SV2B: variants seen among roughly 807,000 people sequenced by gnomAD.
The protein encoded by SV2B is synaptic vesicle glycoprotein 2B.
SV2B carries 41 observed loss-of-function variants against 73.9 expected under a neutral mutation model. That is an observed-to-expected ratio of 0.56 (90% CI 0.43 to 0.72). The LOEUF (loss-of-function observed/expected upper bound fraction) is 0.72. Ranked by LOEUF, SV2B falls within the 30% of genes least tolerant of loss-of-function variation. The pLI is 0.00. For missense variants in SV2B, 764 were observed against 857.8 expected, an observed-to-expected ratio of 0.89 and a Z score of 1.37; for synonymous variants, 314 against 314.2, an observed-to-expected ratio of 1.00 and a Z score of 0.01.
In SV2B at chr15:91,105,508, G is replaced by A. The variant is rs2041858998; in HGVS notation, c.-392+5145G>A. ...AGGGTGAGCGTGGGAGAAGAGATCAGAGAAGTAGCAGGGAGCCAGCTAATA... is the reference window on the plus strand; with the variant it reads ...AGGGTGAGCGTGGGAGAAGAGATCAAAGAAGTAGCAGGGAGCCAGCTAATA... On this transcript the variant is annotated intron_variant, in intron 1 of 12. Coordinates refer to ENST00000394232, the MANE Select transcript of SV2B (RefSeq NM_001323032.3). This position sits in a 1 kb window ranked among gnomAD's most constrained non-coding sequence, Gnocchi z 5.5. Among the ~76,000 whole-genome samples the A allele has an allele frequency of 1.3e-5, 2 of 152,216 alleles. No individual in the cohort carries two copies. The highest frequency in any genetic ancestry group is 4.1e-4 in the South Asian group (2 of 4,828).
chr15:91,262,095 G>C (rs570528084), intron 6 of SV2B, among the ~76,000 whole-genome samples: 2 of 152,248 alleles, frequency 1.3e-5, no homozygotes, highest in African/African-American at 4.8e-5. Context: ...TCACACGGTG[G>C]CTGAGCACCT....
intron 6 of SV2B, among the ~76,000 whole-genome samples, chr15:91,263,375 GAC>G (rs2047988854): frequency 6.8e-6 from 1 of 148,072 alleles, no homozygotes; most frequent in Non-Finnish European, 1.5e-5. Flanking sequence ...CATTAAGACA[GAC>G]ACAGATGCAG....
chr15:91,269,307 G>A (rs1045409879), intron 9 of SV2B, among the ~76,000 whole-genome samples: 1 of 152,104 alleles, frequency 6.6e-6, no homozygotes, highest in Non-Finnish European at 1.5e-5. Flanking sequence ...CCTTAATCAC[G>A]CTTACCCAAG....
chr15:91,111,461 G>T (rs1301534205), intron 1 of SV2B, among the ~76,000 whole-genome samples: 2 of 152,208 alleles, frequency 1.3e-5, no homozygotes, highest in Admixed American at 6.5e-5. Context: ...CATGCTGAGA[G>T]AATTGGGGAG....
chr15:91,187,097 C>G (rs1240021426), intron 1 of SV2B, among the ~76,000 whole-genome samples: 3 of 152,126 alleles, frequency 2.0e-5, no homozygotes, highest in African/African-American at 4.8e-5. Context: ...TTAAGAAAAA[C>G]CGGCAGGCAG....
chr15:91,237,173 T>A (rs2046816981), intron 2 of SV2B, among the ~76,000 whole-genome samples: 1 of 152,172 alleles, frequency 6.6e-6, no homozygotes, highest in Non-Finnish European at 1.5e-5. Context: ...TGCTGAGCTA[T>A]GTTTGTGCAG....
rs2047518833 is a variant in SV2B, at chr15:91,252,326, G to C, written c.633-43G>C. 6.4e-7 allele frequency: 1 copy of C among 1,570,856 alleles called. No homozygotes were observed. The highest frequency in any genetic ancestry group is 1.4e-5 in the African/African-American group (1 of 73,576). ...TTGGTTTCTGCTGTGACCATTTTTA[G>C]TGTATGACTTGATTCTTTCTCTCTG... On this transcript the variant is annotated intron_variant, in intron 3 of 12. Coordinates refer to ENST00000394232, the MANE Select transcript of SV2B (RefSeq NM_001323032.3). This position sits in a 1 kb window ranked among gnomAD's most constrained non-coding sequence, Gnocchi z 4.6.
At chr15:91,202,474 C>G (rs1406121848) in intron 1 of SV2B, among the ~76,000 whole-genome samples, 4 of 152,314 alleles carry the variant, frequency 2.6e-5, no homozygotes, top group Non-Finnish European at 5.9e-5. Flanking sequence ...CCTAAGACCA[C>G]CTGGGTGTCT....
intron 1 of SV2B, among the ~76,000 whole-genome samples, chr15:91,205,618 G>A (rs2045608158): frequency 1.3e-5 from 2 of 151,870 alleles, no homozygotes; most frequent in South Asian, 2.1e-4. Flanking sequence ...CACCCACCTC[G>A]GCCTCCCAAA....
Position 91,300,524 on chromosome 15 carries a change from T to C in SV2B, c.*7972T>C, listed in dbSNP as rs138242426. 6.6e-6 allele frequency: 1 copy of C among 152,336 alleles called. No individual in the cohort carries two copies. The highest frequency in any genetic ancestry group is 2.4e-5 in the African/African-American group (1 of 41,576). 9.4% of individuals were successfully genotyped at this position (152,336 alleles called of 1,614,324 possible). On this transcript the variant is annotated 3_prime_UTR_variant, in exon 13 of 13. Transcript: ENST00000394232. Reference sequence around the variant, plus strand: ...GGAAAGTTCAAATTAATCTTTGGGCTCCAAAGAGCAATTCTGAAGGATTAA... The same window carrying C: ...GGAAAGTTCAAATTAATCTTTGGGCCCCAAAGAGCAATTCTGAAGGATTAA...
chr15:91,162,263 C>T (rs555439572), intron 1 of SV2B, among the ~76,000 whole-genome samples: 1 of 152,100 alleles, frequency 6.6e-6, no homozygotes, highest in East Asian at 1.9e-4. Context: ...CCAGAAAATA[C>T]CACAGATACA....
At position 91,122,160 on chromosome 15, in the gene SV2B, C is replaced by A. The variant is rs1283469474; in HGVS notation, c.-392+21797C>A. Among the ~76,000 whole-genome samples, 1 of 152,200 alleles carries A rather than the reference C, an allele frequency of 6.6e-6. No homozygotes were observed. Among genetic ancestry groups the A allele is most frequent in the Non-Finnish European group, 1.5e-5 (1 of 68,042 alleles). ...ACTCCCAATATGTGCTAAACCATCT[C>A]CTCTTTGGACTCCCACTATCTCAGC... On this transcript the variant is annotated intron_variant, in intron 1 of 12. Coordinates refer to ENST00000394232, the MANE Select transcript of SV2B (RefSeq NM_001323032.3). This position sits in a 1 kb window ranked among gnomAD's most constrained non-coding sequence, Gnocchi z 4.3.
intron 2 of SV2B, among the ~76,000 whole-genome samples, chr15:91,230,444 C>T (rs2046533518): frequency 6.6e-6 from 1 of 152,020 alleles, no homozygotes; most frequent in African/African-American, 2.4e-5. Context: ...AAAGAAATAT[C>T]CCTTGGCCAG....
intron 1 of SV2B, among the ~76,000 whole-genome samples, chr15:91,198,643 TG>T (rs2045347252): frequency 6.6e-6 from 1 of 152,254 alleles, no homozygotes; most frequent in African/African-American, 2.4e-5. Flanking sequence ...GTTTCTGCTT[TG>T]GATAACTGGG....
chr15:91,246,186 C>A (rs1596676285), intron 2 of SV2B, among the ~76,000 whole-genome samples: 1 of 151,990 alleles, frequency 6.6e-6, no homozygotes, highest in African/African-American at 2.4e-5. Context: ...AGAGGGAGGT[C>A]TATTTAAAGG....
At chr15:91,221,218 T>C (rs1354305879) in intron 1 of SV2B, among the ~76,000 whole-genome samples, 1 of 152,150 alleles carries the variant, frequency 6.6e-6, no homozygotes, top group African/African-American at 2.4e-5. Context: ...TTTAAATTGA[T>C]CACATCTGTA....
chr15:91,112,063 C>T (rs2042050597), intron 1 of SV2B, among the ~76,000 whole-genome samples: 1 of 142,986 alleles, frequency 7.0e-6, no homozygotes, highest in Non-Finnish European at 1.5e-5. Flanking sequence ...CAGGGACACA[C>T]ATCCAAACTA....
At chr15:91,178,437 C>G (rs1478775570) in intron 1 of SV2B, among the ~76,000 whole-genome samples, 1 of 151,580 alleles carries the variant, frequency 6.6e-6, no homozygotes, top group Non-Finnish European at 1.5e-5. Context: ...CCCTCTTTTT[C>G]TGTTGATTGG....
At position 91,124,067 on chromosome 15, in the gene SV2B, C is replaced by T. The variant is rs1430636702; in HGVS notation, c.-392+23704C>T. On this transcript the variant is annotated intron_variant, in intron 1 of 12. Coordinates refer to ENST00000394232, the MANE Select transcript of SV2B (RefSeq NM_001323032.3). This position sits in a 1 kb window ranked among gnomAD's most constrained non-coding sequence, Gnocchi z 4.6. ...TTTGTCCATGTCACCTTGTTGCACT[C>T]CTCATTATGGGAAAATCATCCTGGG... Among the ~76,000 whole-genome samples, 1 of 152,144 alleles carries T rather than the reference C, an allele frequency of 6.6e-6. No homozygotes were observed. The highest frequency in any genetic ancestry group is 2.4e-5 in the African/African-American group (1 of 41,416).
Sources: allele counts gnomAD v4.1 joint callset (sites outside exome capture counted in the v4.1 genomes callset), GRCh38; gene constraint gnomAD v4.1.1; non-coding constraint Gnocchi (gnomAD v3.1); transcripts MANE v1.5; gene names NCBI Gene and HGNC (gene_info 2026-07-23, HGNC 2026-07-21).